The following ATP6V1E1 variants were observed in gnomAD, a reference collection of about 807,000 sequenced individuals.
ATP6V1E1 encodes the protein ATPase H+ transporting V1 subunit E1.
ATP6V1E1 carries 21 observed loss-of-function variants against 35.2 expected under a neutral mutation model. The ratio of observed to expected loss-of-function variants is 0.60; its 90% CI spans 0.42 to 0.86. The LOEUF is 0.86. Ranked by LOEUF, ATP6V1E1 falls within the 40% of genes least tolerant of loss-of-function variation. The probability of loss-of-function intolerance (pLI) is 0.00; values close to 1 mark genes in which losing one functional copy is unlikely to be tolerated. For missense variants in ATP6V1E1, 183 were observed against 272.6 expected (o/e 0.67, Z 2.32); for synonymous variants, 83 against 87.8 (o/e 0.95, Z 0.30).
chr22:17,612,919 A>C, intron 3 of ATP6V1E1, 41 bp from the exon 4 acceptor site: 1 of 1,553,522 alleles, frequency 6.4e-7, no homozygotes, highest in Non-Finnish European at 8.8e-7. Flanking sequence ...TAACAACTTA[A>C]AACTGTAGAG....
rs2057721305 is a variant in ATP6V1E1, at chr22:17,594,526, C to T, written c.618+3G>A. 6.3e-7 allele frequency: 1 copy of T among 1,575,138 alleles called. No individual in the cohort carries two copies. Among genetic ancestry groups the T allele is most frequent in the Non-Finnish European group, 8.6e-7 (1 of 1,160,416 alleles). On this transcript the variant is annotated splice_donor_region_variant and intron_variant, in intron 8 of 8. Coordinates refer to ENST00000253413, the MANE Select transcript of ATP6V1E1 (RefSeq NM_001696.4). ...AACTACCAAGAAGTACCCCCACACT[C>T]ACCTGCTGGGCTATGAGATCCAGCC...
intron 6 of ATP6V1E1, among the ~76,000 whole-genome samples, chr22:17,599,443 G>A (rs1232767918): frequency 2.6e-5 from 4 of 151,214 alleles, no homozygotes; most frequent in Non-Finnish European, 5.9e-5. Context: ...AGGCATGGTG[G>A]TGCATGCCTG....
intron 6 of ATP6V1E1, among the ~76,000 whole-genome samples, chr22:17,599,746 CCT>C (rs2057752567): frequency 6.6e-6 from 1 of 151,236 alleles, no homozygotes; most frequent in Admixed American, 6.6e-5. Flanking sequence ...ATGGTGAAAC[CCT>C]CCCTCTACTA....
intron 4 of ATP6V1E1, among the ~76,000 whole-genome samples, chr22:17,603,044 C>T (rs1461752860): frequency 2.6e-5 from 4 of 152,252 alleles, no homozygotes; most frequent in Non-Finnish European, 4.4e-5. Flanking sequence ...GCAACCTCCA[C>T]CTCCCGGGTT....
At chr22:17,608,580 C>A (rs1375543043) in intron 4 of ATP6V1E1, among the ~76,000 whole-genome samples, 1 of 152,066 alleles carries the variant, frequency 6.6e-6, no homozygotes, top group African/African-American at 2.4e-5. Context: ...CATGCGCTAC[C>A]ACACCTTGCT....
At chr22:17,599,877 G>T in intron 6 of ATP6V1E1, 150 bp downstream of exon 6, 1 of 643,286 alleles carries the variant, frequency 1.6e-6, no homozygotes, top group Non-Finnish European at 2.7e-6. Context: ...GGTGAGTGGA[G>T]ATCCCGCCAT....
intron 4 of ATP6V1E1, among the ~76,000 whole-genome samples, chr22:17,606,884 G>A (rs2057789457): frequency 6.6e-6 from 1 of 152,156 alleles, no homozygotes; most frequent in Admixed American, 6.6e-5. Flanking sequence ...TGAGTTTGCC[G>A]TTCCCTTGGC....
intron 1 of ATP6V1E1, among the ~76,000 whole-genome samples, chr22:17,621,131 A>G (rs940291069): frequency 3.9e-5 from 6 of 152,090 alleles, no homozygotes; most frequent in South Asian, 2.1e-4. Flanking sequence ...AGTCCTTGCC[A>G]TCATCTCCTC....
In ATP6V1E1 at chr22:17,627,983, G is replaced by GT. The variant is rs549292581; in HGVS notation, c.33+619dup. ...AAAAAAAAAGTGACAAGGCTGGTTT[G>GT]TTTTTTTTTTTTCTTTTTCCAGAGG... On this transcript the variant is annotated intron_variant, in intron 1 of 8. Transcript: ENST00000253413. Among the ~76,000 whole-genome samples, 1,063 of 135,822 alleles carry GT rather than the reference G, an allele frequency of 7.8e-3. 9 individuals are homozygous for GT. The highest frequency in any genetic ancestry group is 0.013 in the Non-Finnish European group (781 of 62,124). The allele number at this position is 135,822 out of a possible 152,430, so 89.1% of individuals were successfully genotyped here.
intron 1 of ATP6V1E1, among the ~76,000 whole-genome samples, chr22:17,625,784 C>G (rs190964913): frequency 6.6e-6 from 1 of 151,836 alleles, no homozygotes; most frequent in African/African-American, 2.4e-5. Context: ...TAGTTATAGG[C>G]TTATAAACTG....
intron 1 of ATP6V1E1, among the ~76,000 whole-genome samples, chr22:17,627,158 CT>C (rs112782925): frequency 2.6e-3 from 379 of 146,832 alleles, no homozygotes; most frequent in African/African-American, 8.4e-3. Context: ...CCCAGACAAT[CT>C]TTTTTTTTTT....
intron 4 of ATP6V1E1, among the ~76,000 whole-genome samples, chr22:17,606,484 TA>T (rs60173086): frequency 0.35 from 52,575 of 151,734 alleles, 9,389 homozygotes; most frequent in African/African-American, 0.4. Flanking sequence ...TGTAAGCGGT[TA>T]AAAAAGAAAC....
At chr22:17,599,066 A>G (rs1231324804) in intron 6 of ATP6V1E1, among the ~76,000 whole-genome samples, 3 of 152,196 alleles carry the variant, frequency 2.0e-5, no homozygotes, top group Non-Finnish European at 4.4e-5. Context: ...TCACAAAAAG[A>G]CAAATACTGA....
chr22:17,610,480 C>T (rs186759076), intron 4 of ATP6V1E1, among the ~76,000 whole-genome samples: 24 of 151,710 alleles, frequency 1.6e-4, no homozygotes, highest in Admixed American at 1.3e-3. Context: ...ATCTTTTCCA[C>T]TCTTAATATT....
At chr22:17,597,967 G>A (rs946804254) in intron 7 of ATP6V1E1, 37 of 500,176 alleles carry the variant, frequency 7.4e-5, no homozygotes, top group South Asian at 9.8e-5. Flanking sequence ...GTGAGCCACC[G>A]CACCTGGCCA....
At chr22:17,607,407 C>T (rs768445665) in intron 4 of ATP6V1E1, among the ~76,000 whole-genome samples, 16 of 152,124 alleles carry the variant, frequency 1.1e-4, no homozygotes, top group Non-Finnish European at 2.1e-4. Context: ...CTGCCTGCCT[C>T]GGCCTCCCAA....
At chr22:17,607,966 T>A (rs901674751) in intron 4 of ATP6V1E1, among the ~76,000 whole-genome samples, 1 of 152,152 alleles carries the variant, frequency 6.6e-6, no homozygotes, top group African/African-American at 2.4e-5. Flanking sequence ...CACTCCCCAC[T>A]CTGCCAGACT....
At chr22:17,597,021 C>A (rs1333443651) in intron 7 of ATP6V1E1, among the ~76,000 whole-genome samples, 2 of 151,932 alleles carry the variant, frequency 1.3e-5, no homozygotes, top group African/African-American at 4.9e-5. Flanking sequence ...GCGGGCAGAT[C>A]ACGAGGTCAG....
chr22:17,612,648 C>G (rs1024245534), intron 4 of ATP6V1E1, 164 bp downstream of exon 4: 56 of 644,210 alleles, frequency 8.7e-5, no homozygotes, highest in Non-Finnish European at 3.4e-5. Flanking sequence ...TCCTTCAATA[C>G]AGGCCTTGGC....
Sources: allele counts gnomAD v4.1 joint callset (sites outside exome capture counted in the v4.1 genomes callset), GRCh38; gene constraint gnomAD v4.1.1; transcripts MANE v1.5; gene names NCBI Gene and HGNC (gene_info 2026-07-23, HGNC 2026-07-21).